The following PRDM16 variants were observed in gnomAD, a reference collection of about 807,000 sequenced individuals.
PRDM16 encodes the protein PR/SET domain 16.
In PRDM16, 23 loss-of-function variants were observed where a neutral mutation model predicts 110.6. The ratio of observed to expected loss-of-function variants is 0.21; its 90% CI spans 0.15 to 0.29. The LOEUF is 0.29. Ranked by LOEUF, PRDM16 falls within the 10% of genes least tolerant of loss-of-function variation. The probability of loss-of-function intolerance (pLI) is 1.00; values close to 1 mark genes in which losing one functional copy is unlikely to be tolerated. For missense variants in PRDM16, 1,615 were observed against 1,794.3 expected (o/e 0.90, Z 1.81); for synonymous variants, 799 against 781.8 (o/e 1.02, Z -0.37).
intron 2 of PRDM16, among the ~76,000 whole-genome samples, chr1:3,216,148 C>G (rs902462396): frequency 6.6e-6 from 1 of 152,138 alleles, no homozygotes; most frequent in African/African-American, 2.4e-5. Flanking sequence ...GGCCGTGGCC[C>G]CCTGACAAAG....
At chr1:3,275,162 C>T (rs1210400531) in intron 3 of PRDM16, among the ~76,000 whole-genome samples, 1 of 152,236 alleles carries the variant, frequency 6.6e-6, no homozygotes, top group East Asian at 1.9e-4. Flanking sequence ...TCATAAATTA[C>T]TATCTCATCA....
intron 2 of PRDM16, among the ~76,000 whole-genome samples, chr1:3,233,867 C>A (rs1418419113): frequency 2.7e-5 from 4 of 150,672 alleles, no homozygotes; most frequent in African/African-American, 9.9e-5. Flanking sequence ...CCAATCATAC[C>A]GCAATGAAGT....
chr1:3,311,752 C>T (rs951871895), intron 3 of PRDM16, among the ~76,000 whole-genome samples: 12 of 152,218 alleles, frequency 7.9e-5, no homozygotes, highest in Admixed American at 7.2e-4. Flanking sequence ...TGGGGTCCAT[C>T]TGCCTCCTTC....
At position 3,096,153 on chromosome 1, in the gene PRDM16, C is replaced by T. The variant is rs1254552626; in HGVS notation, c.37+26857C>T. On this transcript the variant is annotated intron_variant, in intron 1 of 16. Transcript: ENST00000270722. The stretch of plus-strand genomic sequence containing the variant: ...AGAATGTTCTGGACCCCAGGAAGGC[C>T]CCGGTGCTTTGAACCCCCATGTGGG... 5.3e-5 allele frequency among the ~76,000 whole-genome samples: 8 copies of T among 152,224 alleles called. No homozygotes were observed. The East Asian group carries it at 5.8e-4, about 11-fold the overall frequency.
chr1:3,088,448 A>ATTTTTAT (rs1553122534), intron 1 of PRDM16, among the ~76,000 whole-genome samples: 6 of 146,026 alleles, frequency 4.1e-5, no homozygotes, highest in Non-Finnish European at 9.0e-5. Context: ...GGATTCTTTT[A>ATTTTTAT]TTATTTATTT....
intron 3 of PRDM16, among the ~76,000 whole-genome samples, chr1:3,295,796 C>G (rs571093773): frequency 6.6e-6 from 1 of 152,286 alleles, no homozygotes; most frequent in South Asian, 2.1e-4. Context: ...CGCGTGCAGC[C>G]TGAGGGGAGA....
At chr1:3,325,493 C>T (rs542585595) in intron 3 of PRDM16, among the ~76,000 whole-genome samples, 17 of 152,338 alleles carry the variant, frequency 1.1e-4, no homozygotes, top group African/African-American at 4.1e-4. Context: ...GAAGCCCTGA[C>T]CACCGGCCAG....
rs75636324 is a variant in PRDM16 at position 3,328,819 on chromosome 1, C to T, written c.439-56333C>T. Among the ~76,000 whole-genome samples, 1,497 of 152,234 alleles carry T rather than the reference C, an allele frequency of 9.8e-3. 15 individuals are homozygous for T. Among genetic ancestry groups the T allele is most frequent in the African/African-American group, 0.033 (1,387 of 41,526 alleles). On this transcript the variant is annotated intron_variant, in intron 3 of 16. Transcript: ENST00000270722. ...GGCTTGGGTTTGGGCCATTGTCCGA[C>T]CCTCTGCGCCTCCATTTCCTACGTA...
In PRDM16 at chr1:3,175,170, C is replaced by A. The variant is rs1644071031; in HGVS notation, c.38-10955C>A. 6.6e-6 allele frequency among the ~76,000 whole-genome samples: 1 copy of A among 152,200 alleles called. No homozygotes were observed. Among genetic ancestry groups the A allele is most frequent in the South Asian group, 2.1e-4 (1 of 4,828 alleles). On this transcript the variant is annotated intron_variant, in intron 1 of 16. Transcript: ENST00000270722. The surrounding 1 kb of genome is among the most constrained non-coding windows in gnomAD (Gnocchi z 4.8). ...TGCCTTTACCGCACAGTTTTAAAGA[C>A]AGAAGAACAAGATAGAACTCCATCA...
chr1:3,392,168 G>C (rs866792359), intron 4 of PRDM16, among the ~76,000 whole-genome samples: 1 of 152,244 alleles, frequency 6.6e-6, no homozygotes, highest in Non-Finnish European at 1.5e-5. Context: ...CTGCTTTTGG[G>C]AAATGGTTTC....
chr1:3,404,678 G>T (rs945204876), intron 6 of PRDM16, 61 bp from the exon 7 acceptor site: 3 of 1,598,916 alleles, frequency 1.9e-6, no homozygotes, highest in South Asian at 1.1e-5. Context: ...TATGGTTGGG[G>T]TCCCCTCCCG....
chr1:3,172,986 C>T (rs71634325), intron 1 of PRDM16, among the ~76,000 whole-genome samples: 7,889 of 152,336 alleles, frequency 0.052, 224 homozygotes, highest in Admixed American at 0.072. Flanking sequence ...AGCACGCTGT[C>T]ACGATGCCAG....
intron 1 of PRDM16, among the ~76,000 whole-genome samples, chr1:3,183,354 G>A (rs746695558): frequency 3.9e-5 from 6 of 152,240 alleles, no homozygotes; most frequent in Non-Finnish European, 4.4e-5. Flanking sequence ...CCCAGAGAGC[G>A]AGTGATCTGT....
rs1295253469 is a variant in PRDM16, at chr1:3,173,844, G to T, written c.38-12281G>T. Among the ~76,000 whole-genome samples, 4 of 152,334 alleles carry T rather than the reference G, an allele frequency of 2.6e-5. No individual in the cohort carries two copies. In the East Asian group the frequency reaches 5.8e-4, roughly 22 times the overall value. On this transcript the variant is annotated intron_variant, in intron 1 of 16. Transcript: ENST00000270722. ...TTTATGCTCCCGGTGCAAAGCCTTTGTTCTTCCTCTGAGAGAAGGGGGCCA... is the reference window on the plus strand; with the variant it reads ...TTTATGCTCCCGGTGCAAAGCCTTTTTTCTTCCTCTGAGAGAAGGGGGCCA...
chr1:3,436,572 G>T lies in PRDM16; in HGVS notation c.*2761G>T. On this transcript the variant is annotated 3_prime_UTR_variant, in exon 17 of 17. Coordinates refer to ENST00000270722, the MANE Select transcript of PRDM16 (RefSeq NM_022114.4). The stretch of plus-strand genomic sequence containing the variant: ...AAGGCAGCACTTATTTCCTGGGCTG[G>T]TGCGCCCCAAAACACGGCCCCGACA... 4.3e-6 allele frequency: 1 copy of T among 232,090 alleles called. No individual in the cohort carries two copies. The highest frequency in any genetic ancestry group is 8.5e-6 in the Non-Finnish European group (1 of 117,342). 14.4% of individuals were successfully genotyped at this position (232,090 alleles called of 1,614,324 possible).
chr1:3,347,618 G>A (rs1642388948), intron 3 of PRDM16, among the ~76,000 whole-genome samples: 1 of 152,238 alleles, frequency 6.6e-6, no homozygotes, highest in Non-Finnish European at 1.5e-5. Context: ...GGAGTAGCTT[G>A]GGAGTCCATG....
chr1:3,422,189 G>A lies in PRDM16; in HGVS notation c.2940-3392G>A, dbSNP rs554670552. ...AGGCAGGAAGGCAGATAGATAGATA[G>A]GTAGGCAGACAGACAGATGGACAGA... is the stretch of plus-strand genomic sequence containing the variant. On this transcript the variant is annotated intron_variant, in intron 12 of 16. Coordinates refer to ENST00000270722, the MANE Select transcript of PRDM16 (RefSeq NM_022114.4). Among the ~76,000 whole-genome samples the A allele has an allele frequency of 2.7e-5, 4 of 148,776 alleles. No homozygotes were observed. The East Asian group carries it at 8.0e-4, about 30-fold the overall frequency.
chr1:3,405,896 T>A (rs1260622052), intron 8 of PRDM16, among the ~76,000 whole-genome samples: 1 of 152,122 alleles, frequency 6.6e-6, no homozygotes, highest in Non-Finnish European at 1.5e-5. Flanking sequence ...TTGCTTCACC[T>A]CACAGGGGCT....
chr1:3,178,291 G>A (rs981501268), intron 1 of PRDM16, among the ~76,000 whole-genome samples: 7 of 152,176 alleles, frequency 4.6e-5, no homozygotes, highest in African/African-American at 1.4e-4. Flanking sequence ...GGTAAGGGGC[G>A]TCTCGAACAC....
Sources: allele counts gnomAD v4.1 joint callset (sites outside exome capture counted in the v4.1 genomes callset), GRCh38; gene constraint gnomAD v4.1.1; non-coding constraint Gnocchi (gnomAD v3.1); transcripts MANE v1.5; gene names NCBI Gene and HGNC (gene_info 2026-07-23, HGNC 2026-07-21).